The following RBMS3 variants were observed in gnomAD, a reference collection of about 807,000 sequenced individuals.
RBMS3 encodes the protein RNA-binding motif, single-stranded-interacting protein 3.
A neutral mutation model predicts 66.8 loss-of-function variants in RBMS3; 27 were observed. The ratio of observed to expected loss-of-function variants is 0.40; its 90% CI spans 0.30 to 0.56. The LOEUF is 0.56. Ranked by LOEUF, RBMS3 falls within the 20% of genes least tolerant of loss-of-function variation. The probability of loss-of-function intolerance (pLI) is 0.40; values close to 1 mark genes in which losing one functional copy is unlikely to be tolerated. For missense variants in RBMS3, 513 were observed against 549.5 expected, an observed-to-expected ratio of 0.93 and a Z score of 0.66; for synonymous variants, 188 against 183.0, an observed-to-expected ratio of 1.03 and a Z score of -0.22.
At chr3:29,505,279 A>T (rs767861100) in intron 3 of RBMS3, among the ~76,000 whole-genome samples, 1 of 151,862 alleles carries the variant, frequency 6.6e-6, no homozygotes, top group African/African-American at 2.4e-5. Flanking sequence ...GCTTGTGGAC[A>T]TCTAGCTGTC....
chr3:29,482,873 A>G (rs1291126104), intron 2 of RBMS3, among the ~76,000 whole-genome samples: 1 of 150,698 alleles, frequency 6.6e-6, no homozygotes, highest in African/African-American at 2.4e-5. Context: ...ACGCCCGGCT[A>G]TTTTTTGTAT....
At chr3:29,453,138 C>A (rs1398471981) in intron 2 of RBMS3, among the ~76,000 whole-genome samples, 3 of 152,204 alleles carry the variant, frequency 2.0e-5, no homozygotes, top group Non-Finnish European at 2.9e-5. Context: ...ACAAGGGCAG[C>A]TGCTTCCAGG....
chr3:29,836,853 A>G (rs555624786), intron 6 of RBMS3, among the ~76,000 whole-genome samples: 3 of 151,688 alleles, frequency 2.0e-5, no homozygotes, highest in African/African-American at 7.3e-5. Flanking sequence ...TTACTTGTTA[A>G]TTATGCCTCA....
At chr3:29,315,108 C>A (rs1559481704) in intron 1 of RBMS3, among the ~76,000 whole-genome samples, 1 of 151,844 alleles carries the variant, frequency 6.6e-6, no homozygotes, top group East Asian at 1.9e-4. Flanking sequence ...AAATTAGACA[C>A]TATTGGCACC....
At chr3:29,713,207 C>T (rs1327870922) in intron 4 of RBMS3, among the ~76,000 whole-genome samples, 4 of 151,594 alleles carry the variant, frequency 2.6e-5, no homozygotes, top group Non-Finnish European at 4.4e-5. Flanking sequence ...TCTTCATTTC[C>T]CCCCCATTAA....
At chr3:29,589,789 G>T (rs2047663256) in intron 4 of RBMS3, among the ~76,000 whole-genome samples, 1 of 151,974 alleles carries the variant, frequency 6.6e-6, no homozygotes, top group Admixed American at 6.6e-5. Context: ...TTGCATCCTT[G>T]TTCTTATCAA....
chr3:29,362,012 A>G (rs1327764289), intron 1 of RBMS3, among the ~76,000 whole-genome samples: 1 of 152,150 alleles, frequency 6.6e-6, no homozygotes, highest in Non-Finnish European at 1.5e-5. Context: ...TTTAGCTCAG[A>G]GAAGTTTGAT....
intron 8 of RBMS3, among the ~76,000 whole-genome samples, chr3:29,886,138 C>G (rs2059864157): frequency 6.6e-6 from 1 of 151,742 alleles, no homozygotes; most frequent in Non-Finnish European, 1.5e-5. Flanking sequence ...AAAATGTCAT[C>G]ACAAAAAATA....
intron 1 of RBMS3, among the ~76,000 whole-genome samples, chr3:29,418,436 C>G (rs939097285): frequency 6.6e-6 from 1 of 152,038 alleles, no homozygotes. Context: ...AAATTAATGA[C>G]CAGTGGAATC....
chr3:29,797,221 A>T (rs1470893898), intron 6 of RBMS3, among the ~76,000 whole-genome samples: 1 of 152,238 alleles, frequency 6.6e-6, no homozygotes. Context: ...GATCTTCCAG[A>T]TAACTTGCTG....
At chr3:29,843,005 A>G (rs925862384) in intron 6 of RBMS3, among the ~76,000 whole-genome samples, 1 of 152,208 alleles carries the variant, frequency 6.6e-6, no homozygotes, top group African/African-American at 2.4e-5. Flanking sequence ...GAAATTTGTT[A>G]CAACAGCCAT....
At chr3:29,519,403 G>A (rs765871929) in intron 3 of RBMS3, among the ~76,000 whole-genome samples, 2 of 152,160 alleles carry the variant, frequency 1.3e-5, no homozygotes, top group Non-Finnish European at 2.9e-5. Context: ...AGAGGAAGGA[G>A]CCTAGAACGA....
At chr3:29,437,930 G>A (rs2041461073) in intron 2 of RBMS3, among the ~76,000 whole-genome samples, 1 of 152,058 alleles carries the variant, frequency 6.6e-6, no homozygotes, top group East Asian at 1.9e-4. Flanking sequence ...GTTGGCAGGG[G>A]CACAGTCAGA....
chr3:29,829,854 T>C (rs1371539965), intron 6 of RBMS3, among the ~76,000 whole-genome samples: 5 of 152,166 alleles, frequency 3.3e-5, no homozygotes, highest in Non-Finnish European at 7.4e-5. Context: ...GAATTATCTA[T>C]TTACACTGCA....
chr3:29,339,760 T>C (rs1305407345), intron 1 of RBMS3, among the ~76,000 whole-genome samples: 2 of 152,084 alleles, frequency 1.3e-5, no homozygotes, highest in Admixed American at 6.6e-5. Context: ...TACCCTTTAA[T>C]AGAGTAAAAA....
chr3:29,426,346 G>A (rs1292580821), intron 1 of RBMS3, among the ~76,000 whole-genome samples: 1 of 152,096 alleles, frequency 6.6e-6, no homozygotes, highest in Non-Finnish European at 1.5e-5. Context: ...AATCAAATTT[G>A]TTTATAGGTG....
At chr3:29,476,643 T>C (rs776920006) in intron 2 of RBMS3, among the ~76,000 whole-genome samples, 12 of 152,210 alleles carry the variant, frequency 7.9e-5, no homozygotes, top group Non-Finnish European at 1.3e-4. Flanking sequence ...TCTCTTTCAC[T>C]TGGGTACTTC....
intron 4 of RBMS3, among the ~76,000 whole-genome samples, chr3:29,613,854 A>G (rs2048570099): frequency 6.6e-6 from 1 of 152,132 alleles, no homozygotes; most frequent in Non-Finnish European, 1.5e-5. Flanking sequence ...TGTGAAGAAA[A>G]AAGAACCCTG....
chr3:29,437,080 G>A (rs2041429863), intron 2 of RBMS3, among the ~76,000 whole-genome samples: 1 of 152,178 alleles, frequency 6.6e-6, no homozygotes, highest in Non-Finnish European at 1.5e-5. Flanking sequence ...AGTATCAGCA[G>A]TGTGCTGGAG....
Sources: gnomAD v4.1 joint callset for allele counts (sites outside exome capture counted in the v4.1 genomes callset) on GRCh38, gnomAD v4.1.1 for gene constraint, MANE v1.5 for transcripts, NCBI Gene and HGNC (gene_info 2026-07-23, HGNC 2026-07-21) for gene names.